STAU1: variants seen among roughly 807,000 people sequenced by gnomAD.
STAU1 encodes the protein staufen double-stranded RNA binding protein 1, also known as double-stranded RNA-binding protein Staufen homolog 1.
Under a neutral mutation model 62.9 loss-of-function variants are expected in STAU1, and 13 were observed. The observed-to-expected ratio is 0.21, with a 90% CI of 0.13 to 0.33. The LOEUF (loss-of-function observed/expected upper bound fraction) is 0.33. STAU1 is among the 10% of genes least tolerant of loss of function. The probability of loss-of-function intolerance (pLI) is 1.00; values close to 1 mark genes in which losing one functional copy is unlikely to be tolerated. For missense variants in STAU1, 571 were observed against 712.1 expected (o/e 0.80, Z 2.25); for synonymous variants, 269 against 265.1 (o/e 1.01, Z -0.14).
the STAU1 span, among the ~76,000 whole-genome samples, chr20:49,201,044 CAAAAAAAAAAAAA>C: frequency 9.5e-5 from 3 of 31,500 alleles, no homozygotes; most frequent in Non-Finnish European, 1.1e-4. Flanking sequence ...GACCCACTCT[CAAAAAAAAAAAAA>C]AAAAAAAAAA....
At chr20:49,186,265 G>C (rs1447413107) in intron 1 of STAU1, among the ~76,000 whole-genome samples, 1 of 151,524 alleles carries the variant, frequency 6.6e-6, no homozygotes, top group Non-Finnish European at 1.5e-5. Context: ...AGAATCTTTT[G>C]AACCAGGGTG....
chr20:49,188,968 A>C (rs1246816643), upstream of STAU1, among the ~76,000 whole-genome samples: 1 of 152,086 alleles, frequency 6.6e-6, no homozygotes, highest in Non-Finnish European at 1.5e-5. Context: ...TGGGAGGCCG[A>C]GGCGGGCGGA....
At chr20:49,195,910 AAAAAAAAG>A in the STAU1 span, among the ~76,000 whole-genome samples, 1 of 90,920 alleles carries the variant, frequency 1.1e-5, no homozygotes, top group Non-Finnish European at 2.6e-5. Context: ...AAAAAAAAAA[AAAAAAAAG>A]AAAAAAGAAA....
the STAU1 span, among the ~76,000 whole-genome samples, chr20:49,205,373 T>G: frequency 1.1e-4 from 16 of 150,496 alleles, no homozygotes; most frequent in Middle Eastern, 3.4e-3. Flanking sequence ...GTTTTTTTTT[T>G]TTTTTTTTTT....
chr20:49,163,190 CAA>C (rs200064503), intron 3 of STAU1, among the ~76,000 whole-genome samples: 6 of 134,484 alleles, frequency 4.5e-5, no homozygotes, highest in African/African-American at 5.4e-5. Context: ...GACTCCATTT[CAA>C]AAAAAAAAAA....
At chr20:49,138,740 C>G (rs1017507989) in intron 5 of STAU1, among the ~76,000 whole-genome samples, 1 of 151,998 alleles carries the variant, frequency 6.6e-6, no homozygotes, top group Non-Finnish European at 1.5e-5. Context: ...CTCAAGCAAC[C>G]CTCCCACCTC....
the STAU1 span, among the ~76,000 whole-genome samples, chr20:49,217,565 T>A: frequency 1.3e-5 from 2 of 151,940 alleles, no homozygotes; most frequent in Non-Finnish European, 2.9e-5. Flanking sequence ...AGTGTCTTTA[T>A]TTTATAAATA....
intron 3 of STAU1, among the ~76,000 whole-genome samples, chr20:49,160,727 C>A (rs1281546699): frequency 6.6e-6 from 1 of 152,150 alleles, no homozygotes; most frequent in Non-Finnish European, 1.5e-5. Flanking sequence ...AAAGACAATA[C>A]AAAATACTCA....
the STAU1 span, among the ~76,000 whole-genome samples, chr20:49,217,270 T>C: frequency 6.6e-6 from 1 of 152,078 alleles, no homozygotes; most frequent in Non-Finnish European, 1.5e-5. Flanking sequence ...CCTCCTCCAG[T>C]GCTCCGTTCT....
chr20:49,134,608 T>A, intron 6 of STAU1: 1 of 1,291,796 alleles, frequency 7.7e-7, no homozygotes, highest in Non-Finnish European at 1.1e-6. Context: ...ATATTGTGGA[T>A]GAAGCCAACT....
chr20:49,177,518 A>C (rs930684258), intron 1 of STAU1, among the ~76,000 whole-genome samples: 7 of 151,928 alleles, frequency 4.6e-5, no homozygotes, highest in African/African-American at 7.2e-5. Flanking sequence ...CTCTACTAAA[A>C]ATACAAAATA....
At chr20:49,136,164 G>A (rs1038549315) in intron 5 of STAU1, among the ~76,000 whole-genome samples, 2 of 152,082 alleles carry the variant, frequency 1.3e-5, no homozygotes, top group East Asian at 1.9e-4. Context: ...TGGATGTGGT[G>A]GTGGTACATG....
In STAU1 at chr20:49,177,145, C is replaced by T. The variant is rs377067338; in HGVS notation, c.-159-2876G>A. ...CAGGCTGGTCTCGATCTCCTGACCT[C>T]GTGATCCGCCCACCTCGGCCTCCCA... On this transcript the variant is annotated intron_variant, in intron 1 of 13. Coordinates refer to ENST00000371856, the MANE Select transcript of STAU1 (RefSeq NM_017453.4). Among the ~76,000 whole-genome samples the T allele has an allele frequency of 1.9e-3, 283 of 151,930 alleles. 2 individuals carry two copies. The highest frequency in any genetic ancestry group is 6.4e-3 in the African/African-American group (267 of 41,504).
intron 5 of STAU1, among the ~76,000 whole-genome samples, chr20:49,142,386 C>T (rs2093029336): frequency 6.6e-6 from 1 of 151,994 alleles, no homozygotes; most frequent in Non-Finnish European, 1.5e-5. Context: ...CCGTGCCCAG[C>T]CAAAAAAAAA....
Position 49,113,882 on chromosome 20 carries a change from ATG to A in STAU1, c.*994_*995del, listed in dbSNP as rs1322918061. On this transcript the variant is annotated 3_prime_UTR_variant, in exon 14 of 14. Transcript: ENST00000371856. ...CAAGAGCCATATGTATAGATACACAATGTTTTTTAATAATCTTTAAAACAGAG... is the reference window on the plus strand; with the variant it reads ...CAAGAGCCATATGTATAGATACACAATTTTTTAATAATCTTTAAAACAGAG... 4 of 152,648 alleles carry A rather than the reference ATG, an allele frequency of 2.6e-5. No individual in the cohort carries two copies. The highest frequency in any genetic ancestry group is 5.9e-5 in the Non-Finnish European group (4 of 68,048). The allele number at this position is 152,648 out of a possible 1,614,324, so 9.5% of individuals were successfully genotyped here.
At chr20:49,183,624 G>C (rs1166287991) in intron 1 of STAU1, among the ~76,000 whole-genome samples, 1 of 152,218 alleles carries the variant, frequency 6.6e-6, no homozygotes, top group Non-Finnish European at 1.5e-5. Context: ...ATTGGGGAGA[G>C]AGACTGGATG....
intron 1 of STAU1, among the ~76,000 whole-genome samples, chr20:49,174,622 G>A (rs975701567): frequency 3.3e-5 from 5 of 152,006 alleles, no homozygotes; most frequent in Admixed American, 6.6e-5. Context: ...TTGGAAGGCC[G>A]AGGTGGGAAA....
chr20:49,147,373 A>T (rs1008379315), intron 5 of STAU1, among the ~76,000 whole-genome samples: 25 of 152,370 alleles, frequency 1.6e-4, no homozygotes, highest in African/African-American at 6.0e-4. Context: ...TGTAGACAGC[A>T]AGCGCTGGCT....
At position 49,117,127 on chromosome 20, in the gene STAU1, A is replaced by G. The variant is rs45566032; in HGVS notation, c.1631T>C (p.Met544Thr). Residue 544 changes from methionine to threonine, a missense_variant and splice_region_variant, in exon 12 of 14, where the codon ATG (methionine) becomes ACG (threonine). Around this residue, in one of 3 missense-constraint regions of STAU1, gnomAD observed 156 missense variants for 194.7 expected, o/e 0.80. Coordinates refer to ENST00000371856, the MANE Select transcript of STAU1 (RefSeq NM_017453.4). This position sits in a 1 kb window ranked among gnomAD's most constrained non-coding sequence, Gnocchi z 4.6. The stretch of plus-strand genomic sequence containing the variant: ...TCCCTCACCCAAGGTGTGACGTACC[A>G]TATCATGGCAGGACTCCACATCCTT... The part of the protein sequence containing the change: ...IGKDVESCHD[M>T]AALNILKLLS... 2.1e-5 allele frequency: 34 copies of G among 1,614,168 alleles called. No individual in the cohort carries two copies. Among genetic ancestry groups the G allele is most frequent in the Non-Finnish European group, 2.8e-5 (33 of 1,180,010 alleles).
Sources: gnomAD v4.1 joint callset for allele counts (sites outside exome capture counted in the v4.1 genomes callset) on GRCh38, gnomAD v4.1.1 for gene constraint, gnomAD v4.1.1 regional missense constraint, Gnocchi (gnomAD v3.1) non-coding constraint, MANE v1.5 for transcripts, NCBI Gene and HGNC (gene_info 2026-07-23, HGNC 2026-07-21) for gene names.